C8orf89: variants seen among roughly 807,000 people sequenced by gnomAD.
The protein encoded by C8orf89 is chromosome 8 open reading frame 89.
A neutral mutation model predicts 15.8 loss-of-function variants in C8orf89; 14 were observed. The observed-to-expected ratio is 0.89, with a 90% CI of 0.59 to 1.39. The LOEUF (loss-of-function observed/expected upper bound fraction) is 1.39. C8orf89 is among the 40% of genes most tolerant of loss of function. C8orf89 has a pLI of 0.00. For synonymous variants in C8orf89, 55 were observed against 62.2 expected (o/e 0.88, Z 0.54); for missense variants, 181 against 184.5 (o/e 0.98, Z 0.11).
intron 2 of C8orf89, 121 bp downstream of exon 2, chr8:73,256,852 T>TAAAAA: frequency 1.1e-5 from 5 of 460,998 alleles, no homozygotes; most frequent in Non-Finnish European, 1.4e-5. Context: ...ATCCTTTATG[T>TAAAAA]AAAAAAAAAA....
chr8:73,277,290 G>A, the C8orf89 span: 2 of 586,692 alleles, frequency 3.4e-6, no homozygotes, highest in South Asian at 2.7e-5. Context: ...GGACACAAGT[G>A]GGAGCAACAC....
the C8orf89 span, among the ~76,000 whole-genome samples, chr8:73,284,020 C>T: frequency 4.3e-5 from 6 of 141,040 alleles, no homozygotes; most frequent in East Asian, 1.2e-3. Flanking sequence ...CCAGCCTGGG[C>T]AACAAGAACG....
At chr8:73,276,195 G>A in the C8orf89 span, among the ~76,000 whole-genome samples, 1 of 38,218 alleles carries the variant, frequency 2.6e-5, no homozygotes, top group African/African-American at 9.9e-5. Flanking sequence ...TTTTTTTTTT[G>A]AGATGGAGTC....
the C8orf89 span, among the ~76,000 whole-genome samples, chr8:73,269,181 A>C: frequency 6.6e-6 from 1 of 152,208 alleles, no homozygotes; most frequent in Non-Finnish European, 1.5e-5. Context: ...TGGCTAGGGC[A>C]AAATCTCTAT....
At chr8:73,243,355 GAT>G (rs1813049471) in intron 3 of C8orf89, among the ~76,000 whole-genome samples, 1 of 152,012 alleles carries the variant, frequency 6.6e-6, no homozygotes, top group Admixed American at 6.6e-5. Context: ...TGAGGGGATG[GAT>G]ACTCCATTCA....
upstream of C8orf89, among the ~76,000 whole-genome samples, chr8:73,260,268 C>T (rs527796164): frequency 2.6e-5 from 4 of 152,004 alleles, no homozygotes; most frequent in Admixed American, 2.0e-4. Flanking sequence ...TCTCTGATCT[C>T]GGCAAACTAT....
chr8:73,244,941 T>A (rs1468911360), intron 3 of C8orf89, among the ~76,000 whole-genome samples: 1 of 152,206 alleles, frequency 6.6e-6, no homozygotes, highest in Admixed American at 6.5e-5. Flanking sequence ...ATGCTGCTGA[T>A]AAGGACATAA....
chr8:73,259,032 C>T (rs929450990), intron 1 of C8orf89, among the ~76,000 whole-genome samples: 5 of 151,854 alleles, frequency 3.3e-5, no homozygotes, highest in East Asian at 1.9e-4. Context: ...ATTTATAAAA[C>T]GGAGTGTGAT....
the C8orf89 span, chr8:73,277,426 AGGTT>A: frequency 8.5e-7 from 1 of 1,181,282 alleles, no homozygotes. Flanking sequence ...CAGACAAAGT[AGGTT>A]TACTTTGTCT....
the C8orf89 span, among the ~76,000 whole-genome samples, chr8:73,276,105 A>AT: frequency 6.6e-6 from 1 of 150,632 alleles, no homozygotes; most frequent in African/African-American, 2.4e-5. Context: ...AGGAAGTAAA[A>AT]TTTTTTTATG....
chr8:73,242,072 T>C (rs1056201635), intron 3 of C8orf89, among the ~76,000 whole-genome samples: 1 of 152,126 alleles, frequency 6.6e-6, no homozygotes, highest in Non-Finnish European at 1.5e-5. Flanking sequence ...CTCCAGGACA[T>C]GGGAGTGGTC....
the C8orf89 span, among the ~76,000 whole-genome samples, chr8:73,276,567 G>T: frequency 1.3e-5 from 2 of 152,048 alleles, no homozygotes; most frequent in Admixed American, 1.3e-4. Context: ...AATGAAACAA[G>T]ACATTTCACT....
intron 1 of C8orf89, among the ~76,000 whole-genome samples, chr8:73,257,489 T>TA (rs1197600319): frequency 1.3e-5 from 2 of 152,200 alleles, no homozygotes; most frequent in Non-Finnish European, 2.9e-5. Flanking sequence ...ATCTAGCACT[T>TA]AGAGTATTTC....
Position 73,250,296 on chromosome 8 carries a change from A to G in C8orf89, c.309T>C (p.Ser103=). The part of the protein sequence containing the change: ...VRLKKTKETC[S]VAPLWEKSKG... ...TTGATTTCTCCCAAAGTGGTGCCAC[A>G]CTGCATGTCTCCTTAGTCTTCTTTA... Residue 103 remains serine (S), a synonymous_variant, in exon 3 of 4, where the codon AGT becomes AGC. Coordinates refer to ENST00000624510, the MANE Select transcript of C8orf89 (RefSeq NM_001243237.3). The G allele has an allele frequency of 6.5e-7, 1 of 1,533,314 alleles. No homozygotes were observed. The highest frequency in any genetic ancestry group is 8.7e-7 in the Non-Finnish European group (1 of 1,144,866). 95.0% of individuals were successfully genotyped at this position (1,533,314 alleles called of 1,614,324 possible).
the C8orf89 span, among the ~76,000 whole-genome samples, chr8:73,276,700 A>G: frequency 1.3e-5 from 2 of 152,168 alleles, no homozygotes; most frequent in African/African-American, 2.4e-5. Flanking sequence ...GTAATCTTCA[A>G]GTCAACCATC....
chr8:73,277,979 C>A, the C8orf89 span: 1 of 636,780 alleles, frequency 1.6e-6, no homozygotes, highest in South Asian at 1.4e-5. Context: ...GGCAGCAGCC[C>A]CCAGGGCTCT....
the C8orf89 span, among the ~76,000 whole-genome samples, chr8:73,267,654 GAC>G: frequency 6.6e-6 from 1 of 152,148 alleles, no homozygotes; most frequent in Admixed American, 6.5e-5. Flanking sequence ...TGGCAATTAT[GAC>G]GATTAATGTT....
At chr8:73,242,884 G>A (rs921605447) in intron 3 of C8orf89, among the ~76,000 whole-genome samples, 4 of 152,162 alleles carry the variant, frequency 2.6e-5, no homozygotes, top group African/African-American at 9.7e-5. Context: ...GTTCACAATG[G>A]CCAAGATTTG....
At chr8:73,285,808 G>T in the C8orf89 span, among the ~76,000 whole-genome samples, 1 of 152,168 alleles carries the variant, frequency 6.6e-6, no homozygotes, top group Non-Finnish European at 1.5e-5. Flanking sequence ...GCGTCGGGGC[G>T]GGACAGGTGA....
Sources: allele counts gnomAD v4.1 joint callset (sites outside exome capture counted in the v4.1 genomes callset), GRCh38; gene constraint gnomAD v4.1.1; transcripts MANE v1.5; gene names NCBI Gene and HGNC (gene_info 2026-07-23, HGNC 2026-07-21).